ARHGAP10: variants seen among roughly 807,000 people sequenced by gnomAD.
ARHGAP10 encodes Rho GTPase activating protein 10, also known as rho GTPase-activating protein 10.
A neutral mutation model predicts 108.6 loss-of-function variants in ARHGAP10; 87 were observed. The observed-to-expected ratio is 0.80, with a 90% CI of 0.67 to 0.96. ARHGAP10 has a LOEUF of 0.96. Ranked by LOEUF, ARHGAP10 falls within the 40% of genes least tolerant of loss-of-function variation. The pLI is 0.00. For synonymous variants in ARHGAP10, 347 were observed against 341.1 expected (o/e 1.02, Z -0.19); for missense variants, 939 against 954.5 (o/e 0.98, Z 0.21).
chr4:147,862,663 G>A (rs1318296379), intron 5 of ARHGAP10: 3 of 152,252 alleles, frequency 2.0e-5, no homozygotes, highest in Non-Finnish European at 4.4e-5. Flanking sequence ...AGAACATTAA[G>A]GGGGTGGTGA....
chr4:147,953,097 G>A (rs1483926232), intron 15 of ARHGAP10, among the ~76,000 whole-genome samples: 1 of 151,652 alleles, frequency 6.6e-6, no homozygotes, highest in African/African-American at 2.4e-5. Context: ...TATTATGCTA[G>A]TATTGTATTC....
chr4:147,735,536 G>A (rs929368309), intron 1 of ARHGAP10, among the ~76,000 whole-genome samples: 1 of 152,206 alleles, frequency 6.6e-6, no homozygotes, highest in African/African-American at 2.4e-5. Flanking sequence ...GACTGGGATG[G>A]ATGGAGAGGT....
intron 1 of ARHGAP10, among the ~76,000 whole-genome samples, chr4:147,736,120 C>CTCTG (rs1553944268): frequency 6.9e-6 from 1 of 144,634 alleles, no homozygotes; most frequent in African/African-American, 2.5e-5. Flanking sequence ...AATTGTCTAG[C>CTCTG]TGTGTGTGTG....
chr4:147,975,334 C>G (rs1739552625), intron 18 of ARHGAP10, among the ~76,000 whole-genome samples: 1 of 151,960 alleles, frequency 6.6e-6, no homozygotes, highest in Non-Finnish European at 1.5e-5. Context: ...CTTCAAAGTC[C>G]CCGAGTAGTG....
chr4:147,781,184 C>T (rs531843485), intron 1 of ARHGAP10, among the ~76,000 whole-genome samples: 1 of 152,164 alleles, frequency 6.6e-6, no homozygotes, highest in African/African-American at 2.4e-5. Flanking sequence ...TGGTGAAACC[C>T]CGTCTCTACT....
At chr4:147,859,020 C>A (rs1325448974) in intron 5 of ARHGAP10, among the ~76,000 whole-genome samples, 2 of 152,146 alleles carry the variant, frequency 1.3e-5, no homozygotes, top group African/African-American at 4.8e-5. Context: ...CTAATGGCTT[C>A]TCCAGAGGCC....
intron 3 of ARHGAP10, among the ~76,000 whole-genome samples, chr4:147,843,935 A>G (rs545352626): frequency 6.6e-6 from 1 of 152,178 alleles, no homozygotes; most frequent in South Asian, 2.1e-4. Flanking sequence ...CCATTTTTCT[A>G]CCGTCCTACC....
At chr4:147,894,023 T>C (rs1026591894) in intron 10 of ARHGAP10, among the ~76,000 whole-genome samples, 15 of 152,220 alleles carry the variant, frequency 9.9e-5, no homozygotes, top group African/African-American at 2.9e-4. Flanking sequence ...TGCTGAAGGA[T>C]ACTGGAGCAT....
chr4:147,823,858 A>AT (rs1219280128), intron 3 of ARHGAP10, among the ~76,000 whole-genome samples: 1 of 152,176 alleles, frequency 6.6e-6, no homozygotes, highest in East Asian at 1.9e-4. Flanking sequence ...GTATGATCTC[A>AT]TTTGCACTCA....
chr4:147,877,976 A>G (rs990101797), intron 8 of ARHGAP10, among the ~76,000 whole-genome samples: 3 of 152,060 alleles, frequency 2.0e-5, no homozygotes, highest in African/African-American at 7.2e-5. Context: ...TTGCTCTGTC[A>G]CCCAGGCTGG....
At chr4:147,794,956 G>A (rs773765300) in intron 1 of ARHGAP10, among the ~76,000 whole-genome samples, 6 of 152,156 alleles carry the variant, frequency 3.9e-5, no homozygotes, top group South Asian at 2.1e-4. Flanking sequence ...TTTAAAGTAC[G>A]TTTTGAGGTT....
At chr4:147,908,764 A>G (rs1038080159) in intron 11 of ARHGAP10, among the ~76,000 whole-genome samples, 5 of 151,786 alleles carry the variant, frequency 3.3e-5, no homozygotes, top group Non-Finnish European at 5.9e-5. Context: ...TTTCCTTATC[A>G]CTCCATAGCT....
intron 19 of ARHGAP10, among the ~76,000 whole-genome samples, chr4:148,043,651 A>ATATATATATATATATATATATATT (rs1383676518): frequency 9.0e-6 from 1 of 110,758 alleles, no homozygotes; most frequent in Non-Finnish European, 1.9e-5. Context: ...ATATATATAT[A>ATATATATATATATATATATATATT]TTTTAGGTGT....
chr4:148,062,975 T>C (rs770118396), intron 20 of ARHGAP10, among the ~76,000 whole-genome samples, 173 bp from the exon 21 acceptor site: 10 of 152,136 alleles, frequency 6.6e-5, no homozygotes, highest in Non-Finnish European at 7.4e-5. Flanking sequence ...TCTGGGTTGT[T>C]GGTATCCGTA....
chr4:147,758,772 A>C (rs1388745227), intron 1 of ARHGAP10, among the ~76,000 whole-genome samples: 1 of 151,966 alleles, frequency 6.6e-6, no homozygotes, highest in Non-Finnish European at 1.5e-5. Flanking sequence ...TGAGGTCAGG[A>C]GTTCGAGACC....
chr4:147,944,676 G>GA (rs1250479275), intron 14 of ARHGAP10, among the ~76,000 whole-genome samples: 5 of 152,150 alleles, frequency 3.3e-5, no homozygotes, highest in East Asian at 1.9e-4. Context: ...ATAAGGGAGG[G>GA]AAAAAACCCT....
intron 1 of ARHGAP10, among the ~76,000 whole-genome samples, chr4:147,765,684 G>A (rs1345723315): frequency 2.0e-5 from 3 of 152,046 alleles, no homozygotes; most frequent in East Asian, 1.9e-4. Flanking sequence ...CCTGTTGTCC[G>A]AGCTACTCGG....
chr4:147,992,478 G>C (rs1361977627), intron 18 of ARHGAP10, among the ~76,000 whole-genome samples: 1 of 152,082 alleles, frequency 6.6e-6, no homozygotes, highest in Non-Finnish European at 1.5e-5. Context: ...CGCTATCTCC[G>C]CTTACTGCAA....
intron 16 of ARHGAP10, among the ~76,000 whole-genome samples, chr4:147,959,320 G>T (rs1441927477): frequency 3.3e-5 from 5 of 151,980 alleles, no homozygotes; most frequent in African/African-American, 9.7e-5. Flanking sequence ...GGGCTAGCAG[G>T]AGAGAGACTG....
Sources: allele counts gnomAD v4.1 joint callset (sites outside exome capture counted in the v4.1 genomes callset), GRCh38; gene constraint gnomAD v4.1.1; transcripts MANE v1.5; gene names NCBI Gene and HGNC (gene_info 2026-07-23, HGNC 2026-07-21).